ADAMTSL1: variants seen among roughly 807,000 people sequenced by gnomAD.
The protein encoded by ADAMTSL1 is ADAMTS-like protein 1.
ADAMTSL1 carries 126 observed loss-of-function variants against 201.8 expected under a neutral mutation model. That is an observed-to-expected ratio of 0.62 (90% CI 0.54 to 0.72). The LOEUF is 0.72. Among genes scored for constraint, ADAMTSL1 ranks in the 30% least tolerant of loss-of-function variants. The probability of loss-of-function intolerance (pLI) is 0.00; values close to 1 mark genes in which losing one functional copy is unlikely to be tolerated. For synonymous variants in ADAMTSL1, 1,121 were observed against 903.4 expected (o/e 1.24, Z -4.32); for missense variants, 2,679 against 2,277.8 (o/e 1.18, Z -3.59).
At chr9:18,447,362 T>C (rs1322208952) in intron 2 of ADAMTSL1, among the ~76,000 whole-genome samples, 2 of 152,166 alleles carry the variant, frequency 1.3e-5, no homozygotes, top group African/African-American at 4.8e-5. Context: ...GCTTGCTTTA[T>C]TTTGTAGAAA....
intron 2 of ADAMTSL1, among the ~76,000 whole-genome samples, chr9:18,231,370 C>T (rs867012592): frequency 7.9e-5 from 12 of 152,262 alleles, no homozygotes; most frequent in African/African-American, 2.9e-4. Context: ...ACCCATTGGC[C>T]TATTTTAAGT....
intron 1 of ADAMTSL1, among the ~76,000 whole-genome samples, chr9:17,915,419 T>G (rs1236355112): frequency 6.6e-6 from 1 of 152,212 alleles, no homozygotes; most frequent in South Asian, 2.1e-4. Flanking sequence ...TGAGTAGTAT[T>G]GCATTGTATA....
At chr9:18,740,637 C>T (rs908065000) in intron 15 of ADAMTSL1, among the ~76,000 whole-genome samples, 1 of 151,866 alleles carries the variant, frequency 6.6e-6, no homozygotes, top group African/African-American at 2.4e-5. Context: ...ACACCAAGCC[C>T]AGATCATTTT....
At chr9:18,605,240 A>G (rs974671208) in intron 4 of ADAMTSL1, among the ~76,000 whole-genome samples, 2 of 152,182 alleles carry the variant, frequency 1.3e-5, no homozygotes. Context: ...GAGAGTGGCA[A>G]CCTGTTTATC....
chr9:18,351,316 A>G (rs1835954191), intron 2 of ADAMTSL1, among the ~76,000 whole-genome samples: 1 of 151,838 alleles, frequency 6.6e-6, no homozygotes, highest in Admixed American at 6.6e-5. Context: ...TTCTTTTTTT[A>G]AAAACAATTT....
At chr9:18,045,061 T>C (rs1821602940) in intron 1 of ADAMTSL1, among the ~76,000 whole-genome samples, 2 of 152,164 alleles carry the variant, frequency 1.3e-5, no homozygotes, top group African/African-American at 2.4e-5. Context: ...AACTCTGCCT[T>C]CTGTTAGCTT....
At position 18,645,603 on chromosome 9, in the gene ADAMTSL1, G is replaced by A. The variant is rs527352709; in HGVS notation, c.834+6192G>A. ...AAGGGATCCAGTTTCAGCTTTCTAC[G>A]TGTGGCTAGCCAGTTTTCCCAGCAC... is the stretch of plus-strand genomic sequence containing the variant. On this transcript the variant is annotated intron_variant, in intron 7 of 28. Coordinates refer to ENST00000380548, the MANE Select transcript of ADAMTSL1 (RefSeq NM_001040272.6). Among the ~76,000 whole-genome samples the A allele has an allele frequency of 1.1e-3, 174 of 151,902 alleles. 2 individuals are homozygous for A. Among genetic ancestry groups the A allele is most frequent in the African/African-American group, 1.2e-3 (51 of 41,426 alleles).
chr9:18,019,635 AT>A (rs1820399929), intron 1 of ADAMTSL1, among the ~76,000 whole-genome samples: 2 of 152,112 alleles, frequency 1.3e-5, no homozygotes, highest in Non-Finnish European at 2.9e-5. Flanking sequence ...AATTTGTAGG[AT>A]TGATTTTTGT....
At chr9:18,509,330 T>C (rs1416112292) in intron 2 of ADAMTSL1, among the ~76,000 whole-genome samples, 1 of 151,828 alleles carries the variant, frequency 6.6e-6, no homozygotes, top group Non-Finnish European at 1.5e-5. Flanking sequence ...ACTGGTTCTA[T>C]CTATTCTAGT....
At chr9:18,702,932 T>G (rs554082) in intron 13 of ADAMTSL1, among the ~76,000 whole-genome samples, 40,396 of 151,736 alleles carry the variant, frequency 0.27, 5,798 homozygotes, top group Non-Finnish European at 0.33. Flanking sequence ...CCGGCTAATT[T>G]TTGTATCTTT....
chr9:18,041,986 G>A (rs1438180065), intron 1 of ADAMTSL1, among the ~76,000 whole-genome samples: 1 of 151,528 alleles, frequency 6.6e-6, no homozygotes, highest in Admixed American at 6.6e-5. Context: ...TTTAAATTTT[G>A]GTTATATATT....
intron 1 of ADAMTSL1, among the ~76,000 whole-genome samples, chr9:18,148,908 AC>A (rs1210408745): frequency 6.6e-6 from 1 of 152,092 alleles, no homozygotes; most frequent in Non-Finnish European, 1.5e-5. Flanking sequence ...TACACTTTAG[AC>A]CCTTTCCTTA....
At chr9:17,915,437 C>G (rs1032873289) in intron 1 of ADAMTSL1, among the ~76,000 whole-genome samples, 2 of 152,064 alleles carry the variant, frequency 1.3e-5, no homozygotes, top group Admixed American at 1.3e-4. Context: ...ATAGATAGAC[C>G]ACAGTTTGTT....
At chr9:18,681,699 G>GTGGGGA in intron 11 of ADAMTSL1, 113 bp from the exon 12 acceptor site, 1 of 287,434 alleles carries the variant, frequency 3.5e-6, no homozygotes. Context: ...TCCTCGTGTG[G>GTGGGGA]GGGGGGGGGG....
rs66552520 is a variant in ADAMTSL1, at chr9:18,074,471, G to GTTTTCTTTTCTTTTC, written c.88-89363_88-89349dup. On this transcript the variant is annotated intron_variant, in intron 1 of 29. Transcript: ENST00000680146. ...AGATTTATTCATTTCACCACACTGT[G>GTTTTCTTTTCTTTTC]TTTTCTTTTCTTTTCTTTTCTTTTC... Among the ~76,000 whole-genome samples the GTTTTCTTTTCTTTTC allele has an allele frequency of 4.1e-3, 519 of 126,928 alleles. 4 individuals are homozygous for GTTTTCTTTTCTTTTC. The highest frequency in any genetic ancestry group is 0.023 in the South Asian group (78 of 3,466). 83.3% of individuals were successfully genotyped at this position (126,928 alleles called of 152,430 possible). A position where few individuals can be genotyped will look rare whatever the true frequency, so the allele number is the denominator to read the frequency against.
chr9:17,908,785 C>T (rs897216280), intron 1 of ADAMTSL1, among the ~76,000 whole-genome samples: 1 of 152,140 alleles, frequency 6.6e-6, no homozygotes, highest in African/African-American at 2.4e-5. Context: ...AGAATCATGG[C>T]CCCATGTGTC....
chr9:18,192,580 C>G (rs1367609339), intron 2 of ADAMTSL1, among the ~76,000 whole-genome samples: 1 of 152,092 alleles, frequency 6.6e-6, no homozygotes, highest in Non-Finnish European at 1.5e-5. Flanking sequence ...ACAGTATTCT[C>G]CAGTGTTTTT....
chr9:18,233,636 T>C (rs1029988720), intron 2 of ADAMTSL1, among the ~76,000 whole-genome samples: 9 of 152,092 alleles, frequency 5.9e-5, no homozygotes, highest in African/African-American at 2.2e-4. Flanking sequence ...AGATGAGAAA[T>C]TGTGAAATAA....
chr9:18,581,336 T>A (rs919806462), intron 4 of ADAMTSL1, among the ~76,000 whole-genome samples: 31 of 152,212 alleles, frequency 2.0e-4, no homozygotes, highest in African/African-American at 7.5e-4. Context: ...TCTGCAAAGA[T>A]TCTATTTCCT....
Sources: allele counts gnomAD v4.1 joint callset (sites outside exome capture counted in the v4.1 genomes callset), GRCh38; gene constraint gnomAD v4.1.1; transcripts MANE v1.5; gene names NCBI Gene and HGNC (gene_info 2026-07-23, HGNC 2026-07-21).